The following ATG7 variants were observed in gnomAD, a reference collection of about 807,000 sequenced individuals.
The protein encoded by ATG7 is ubiquitin-like modifier-activating enzyme ATG7.
A neutral mutation model predicts 82.4 loss-of-function variants in ATG7; 70 were observed. The observed-to-expected ratio is 0.85, with a 90% CI of 0.70 to 1.04. The LOEUF (loss-of-function observed/expected upper bound fraction) is 1.04, where lower values mean the gene tolerates loss of function less well. Ranked by LOEUF, ATG7 falls within the 50% of genes least tolerant of loss-of-function variation. The probability of loss-of-function intolerance (pLI) is 0.00; values close to 1 mark genes in which losing one functional copy is unlikely to be tolerated. For synonymous variants in ATG7, 287 were observed against 313.0 expected, an observed-to-expected ratio of 0.92 and a Z score of 0.88; for missense variants, 792 against 864.3, an observed-to-expected ratio of 0.92 and a Z score of 1.05.
At chr3:11,554,702 G>A in intron 20 of ATG7, 109 bp from the exon 21 acceptor site, 1 of 1,306,564 alleles carries the variant, frequency 7.7e-7, no homozygotes, top group Non-Finnish European at 1.1e-6. Context: ...AAACAAGGGA[G>A]TGGTTCTGCA....
rs1948949992 is a variant in ATG7 at position 11,313,343 on chromosome 3, CCTGCCCT to C, written c.455_461del (p.Ala152ValfsTer21). On this transcript the variant is annotated frameshift_variant, in exon 8 of 21. Coordinates refer to ENST00000693202, the MANE Select transcript of ATG7 (RefSeq NM_001349232.2). LOFTEE classifies it high-confidence loss of function. ...CCACTTCTACTATTGGTTTTGCTAT[CCTGCCCT>C]CTGTCTTCCAGAGAGTTTACCTCTC... is the stretch of plus-strand genomic sequence containing the variant. 1 of 1,612,552 alleles carries C rather than the reference CCTGCCCT, an allele frequency of 6.2e-7. No individual in the cohort carries two copies. Among genetic ancestry groups the C allele is most frequent in the Non-Finnish European group, 8.5e-7 (1 of 1,179,168 alleles).
chr3:11,451,615 G>A (rs2085139620), intron 20 of ATG7, among the ~76,000 whole-genome samples: 1 of 152,106 alleles, frequency 6.6e-6, no homozygotes, highest in South Asian at 2.1e-4. Flanking sequence ...GTGAGGGTGA[G>A]TGTGGCTGTT....
intron 20 of ATG7, chr3:11,446,616 A>C: frequency 2.8e-6 from 1 of 363,136 alleles, no homozygotes; most frequent in Non-Finnish European, 5.3e-6. Context: ...CACATGATAC[A>C]TCATGGTACT....
At chr3:11,561,776 C>T (rs1447272325), downstream of ATG7, among the ~76,000 whole-genome samples, 1 of 152,118 alleles carries the variant, frequency 6.6e-6, no homozygotes, top group Non-Finnish European at 1.5e-5. Flanking sequence ...TCACTAACCC[C>T]TTCACCCGCT....
At chr3:11,412,287 T>G (rs2080984634) in intron 19 of ATG7, among the ~76,000 whole-genome samples, 1 of 150,356 alleles carries the variant, frequency 6.7e-6, no homozygotes, top group Non-Finnish European at 1.5e-5. Context: ...TTAGTAGGCC[T>G]GAAGGTCCTT....
intron 3 of ATG7, among the ~76,000 whole-genome samples, chr3:11,292,034 G>A (rs1945056219): frequency 6.6e-6 from 1 of 152,308 alleles, no homozygotes; most frequent in South Asian, 2.1e-4. Context: ...CAAAGGCAGT[G>A]ACCCGTGAGT....
intron 19 of ATG7, among the ~76,000 whole-genome samples, chr3:11,380,344 T>TC (rs1381830581): frequency 6.6e-6 from 1 of 152,192 alleles, no homozygotes; most frequent in African/African-American, 2.4e-5. Context: ...TGCTCTTTGT[T>TC]CCTCCCCAGA....
chr3:11,325,898 G>T (rs907965388), intron 9 of ATG7, among the ~76,000 whole-genome samples: 2 of 152,130 alleles, frequency 1.3e-5, no homozygotes, highest in African/African-American at 4.8e-5. Flanking sequence ...GCCTTTGTGT[G>T]TTTTTTGTTG....
chr3:11,506,109 G>A (rs76200378), intron 20 of ATG7, among the ~76,000 whole-genome samples: 14,343 of 152,168 alleles, frequency 0.094, 1,342 homozygotes, highest in African/African-American at 0.24. Context: ...TGGTCTCTCT[G>A]TAAATGTGCC....
chr3:11,434,024 CAT>C (rs745548850), intron 20 of ATG7, among the ~76,000 whole-genome samples: 2 of 152,174 alleles, frequency 1.3e-5, no homozygotes, highest in Non-Finnish European at 2.9e-5. Flanking sequence ...GCCAAAAAGT[CAT>C]ATGAAAAACA....
rs952463466 is a variant in ATG7 at position 11,516,640 on chromosome 3, C to T, written c.2080-38171C>T. On this transcript the variant is annotated intron_variant, in intron 20 of 20. Transcript: ENST00000693202. ...ACTTGATGGTTATAGCAGCTTTATTCATAATTGCCAAAACTTAGAAGCAAC... is the reference window on the plus strand; with the variant it reads ...ACTTGATGGTTATAGCAGCTTTATTTATAATTGCCAAAACTTAGAAGCAAC... Among the ~76,000 whole-genome samples the T allele has an allele frequency of 3.3e-5, 5 of 152,320 alleles. No individual in the cohort carries two copies. In the South Asian group the frequency reaches 8.3e-4, roughly 25 times the overall value.
rs1347393201 is a variant in ATG7, at chr3:11,309,036, A to T, written c.386A>T (p.Asn129Ile). 2 of 1,613,884 alleles carry T rather than the reference A, an allele frequency of 1.2e-6. No individual in the cohort carries two copies. Among genetic ancestry groups the T allele is most frequent in the African/African-American group, 2.7e-5 (2 of 74,926 alleles). ...GTALENPVLLNKFLLLTFADL... is the reference protein window; with the variant it reads ...GTALENPVLLIKFLLLTFADL... ...GCTCTTGAAAACCCTGTACTCCTCA[A>T]CAAGTTCCTCCTCTTGACATTTGCA... Residue 129 changes from asparagine to isoleucine, a missense_variant, in exon 7 of 21, where the codon AAC becomes ATC. Transcript: ENST00000693202.
At position 11,554,856 on chromosome 3, in the gene ATG7, G is replaced by A. The variant is rs1430190148; in HGVS notation, c.*13G>A. The A allele has an allele frequency of 5.6e-6, 9 of 1,612,308 alleles. No homozygotes were observed. The highest frequency in any genetic ancestry group is 7.6e-6 in the Non-Finnish European group (9 of 1,179,538). On this transcript the variant is annotated 3_prime_UTR_variant, in exon 21 of 21. Coordinates refer to ENST00000693202, the MANE Select transcript of ATG7 (RefSeq NM_001349232.2). ...TGAGACCATCTGAGATGGCCCCGCT[G>A]TGGGGCTGACTTCTCCCCGGCCGCC... is the stretch of plus-strand genomic sequence containing the variant.
intron 19 of ATG7, among the ~76,000 whole-genome samples, chr3:11,392,789 T>A (rs1415099845): frequency 6.6e-6 from 1 of 152,182 alleles, no homozygotes; most frequent in Admixed American, 6.5e-5. Context: ...ATTTTGTGGC[T>A]CCTAATGGTG....
intron 20 of ATG7, among the ~76,000 whole-genome samples, chr3:11,499,322 C>T (rs1243394772): frequency 6.6e-6 from 1 of 152,102 alleles, no homozygotes; most frequent in Non-Finnish European, 1.5e-5. Context: ...CTGCCAAAAA[C>T]CCAGTTTTCC....
chr3:11,505,628 C>T (rs78638774), intron 20 of ATG7, among the ~76,000 whole-genome samples: 6,994 of 152,280 alleles, frequency 0.046, 199 homozygotes, highest in South Asian at 0.09. Context: ...ACTCTCAGCC[C>T]TCAAGGGTCC....
chr3:11,515,216 A>G (rs973345703), intron 20 of ATG7, among the ~76,000 whole-genome samples: 1 of 152,208 alleles, frequency 6.6e-6, no homozygotes, highest in Non-Finnish European at 1.5e-5. Context: ...AAGGGACACT[A>G]TAACACTTAG....
At position 11,554,931 on chromosome 3, in the gene ATG7, G is replaced by A; in HGVS notation, c.*88G>A. The A allele has an allele frequency of 6.7e-7, 1 of 1,495,772 alleles. No homozygotes were observed. The highest frequency in any genetic ancestry group is 9.0e-7 in the Non-Finnish European group (1 of 1,107,202). The allele number at this position is 1,495,772 out of a possible 1,614,324, so 92.7% of individuals were successfully genotyped here. A position where few individuals can be genotyped will look rare whatever the true frequency, so the allele number is the denominator to read the frequency against. On this transcript the variant is annotated 3_prime_UTR_variant, in exon 21 of 21. Transcript: ENST00000693202. ...AGCAGGACTGCTGACCCCAGGCCTG[G>A]TGATTCTGGGCCCCTCCTCCATACC...
intron 3 of ATG7, among the ~76,000 whole-genome samples, chr3:11,284,187 A>G (rs1943548580): frequency 1.3e-5 from 2 of 152,064 alleles, no homozygotes; most frequent in Non-Finnish European, 2.9e-5. Context: ...AAAATCCTGT[A>G]TTTCTTCATT....
Sources: allele counts gnomAD v4.1 joint callset (sites outside exome capture counted in the v4.1 genomes callset), GRCh38; gene constraint gnomAD v4.1.1; transcripts MANE v1.5; gene names NCBI Gene and HGNC (gene_info 2026-07-23, HGNC 2026-07-21).